Variants in USP15 observed in about 807,000 individuals in gnomAD.
USP15 encodes ubiquitin carboxyl-terminal hydrolase 15.
Under a neutral mutation model 127.1 loss-of-function variants are expected in USP15, and 18 were observed. That is an observed-to-expected ratio of 0.14 (90% CI 0.10 to 0.21). The LOEUF (loss-of-function observed/expected upper bound fraction) is 0.21, where lower values mean the gene tolerates loss of function less well. Ranked by LOEUF, USP15 falls within the 10% of genes least tolerant of loss-of-function variation. The probability of loss-of-function intolerance (pLI) is 1.00; values close to 1 mark genes in which losing one functional copy is unlikely to be tolerated. For synonymous variants in USP15, 364 were observed against 393.7 expected (o/e 0.92, Z 0.89); for missense variants, 805 against 1,159.9 (o/e 0.69, Z 4.44).
chr12:62,341,050 G>A lies in USP15; in HGVS notation c.684-8171G>A, dbSNP rs1008611648. Among the ~76,000 whole-genome samples, 17 of 152,130 alleles carry A rather than the reference G, an allele frequency of 1.1e-4. 1 individual carries two copies. The highest frequency in any genetic ancestry group is 9.2e-4 in the Admixed American group (14 of 15,270). On this transcript the variant is annotated intron_variant, in intron 6 of 21. Coordinates refer to ENST00000280377, the MANE Select transcript of USP15 (RefSeq NM_001252078.2). ...CTCTAAGAACTTGTTTTATGAATCT[G>A]GGTGCTCCTATATTGGGTCCACATA...
chr12:62,279,167 T>C (rs2063579432), intron 1 of USP15: 1 of 152,138 alleles, frequency 6.6e-6, no homozygotes, highest in Non-Finnish European at 1.5e-5. Flanking sequence ...TTTCTTCCTT[T>C]CCCCAGCCCC....
rs763695002 is a variant in USP15 at position 62,404,385 on chromosome 12, T to C, written c.*10T>C. 1 of 1,577,210 alleles carries C rather than the reference T, an allele frequency of 6.3e-7. No individual in the cohort carries two copies. The highest frequency in any genetic ancestry group is 1.8e-5 in the Admixed American group (1 of 55,514). On this transcript the variant is annotated 3_prime_UTR_variant, in exon 22 of 22. Transcript: ENST00000280377. ...TATGCACACTAACTAATGAAAGTCCTAGAAGCCATAAAAGAGACACTTTCC... is the reference window on the plus strand; with the variant it reads ...TATGCACACTAACTAATGAAAGTCCCAGAAGCCATAAAAGAGACACTTTCC...
Position 62,404,268 on chromosome 12 carries a change from G to C in USP15, c.2839G>C (p.Glu947Gln), listed in dbSNP as rs2067793181. 6.2e-7 allele frequency: 1 copy of C among 1,613,278 alleles called. No homozygotes were observed. Among genetic ancestry groups the C allele is most frequent in the East Asian group, 2.2e-5 (1 of 44,832 alleles). The change falls in exon 22 of 22, where the codon GAA becomes CAA. Residue 947 changes from glutamate to glutamine, a missense_variant. By Grantham distance (29) the Glu-to-Gln change is conservative. Transcript: ENST00000280377. ...AACTGGCTTTTTTCCTCTTGACCGA[G>C]AAACTAAAGGTGCTTCAGCTGCCAC... ...SGTGFFPLDRETKGASAATGI... is the reference protein window; with the variant it reads ...SGTGFFPLDRQTKGASAATGI...
chr12:62,304,188 C>A (rs2064408649), intron 3 of USP15, among the ~76,000 whole-genome samples: 1 of 152,010 alleles, frequency 6.6e-6, no homozygotes, highest in Non-Finnish European at 1.5e-5. Flanking sequence ...TTGAAATAGT[C>A]CTCATTGAGA....
Position 62,344,620 on chromosome 12 carries a change from G to A in USP15, c.684-4601G>A, listed in dbSNP as rs2065754939. ...TGCCCCAGTAGGGACTCTCTATGGG[G>A]GCTCCAAACCCATATTTCCCTTCCT... is the stretch of plus-strand genomic sequence containing the variant. On this transcript the variant is annotated intron_variant, in intron 6 of 21. Transcript: ENST00000280377. Among the ~76,000 whole-genome samples the A allele has an allele frequency of 2.0e-5, 3 of 152,280 alleles. No individual in the cohort carries two copies. The South Asian group carries it at 6.2e-4, about 32-fold the overall frequency.
intron 1 of USP15, among the ~76,000 whole-genome samples, chr12:62,285,145 T>A (rs1342482260): frequency 6.6e-5 from 10 of 152,118 alleles, no homozygotes. Context: ...ACAAATGCAG[T>A]TTTGTTACAT....
intron 1 of USP15, among the ~76,000 whole-genome samples, chr12:62,264,287 G>A (rs548177052): frequency 6.6e-6 from 1 of 152,138 alleles, no homozygotes; most frequent in South Asian, 2.1e-4. Context: ...AAAATTTCTG[G>A]CCTGGAAATT....
chr12:62,349,434 C>A, intron 7 of USP15, 127 bp downstream of exon 7: 1 of 500,026 alleles, frequency 2.0e-6, no homozygotes, highest in Non-Finnish European at 3.2e-6. Flanking sequence ...TTTAAATTAC[C>A]GGTCAGTTCT....
chr12:62,383,814 A>C, intron 9 of USP15, 26 bp from the exon 10 acceptor site: 1 of 1,605,854 alleles, frequency 6.2e-7, no homozygotes, highest in East Asian at 2.2e-5. Flanking sequence ...CCTAGAACTG[A>C]TTTGATGGTT....
chr12:62,383,338 A>G (rs568423429), intron 9 of USP15, among the ~76,000 whole-genome samples: 1 of 152,046 alleles, frequency 6.6e-6, no homozygotes, highest in South Asian at 2.1e-4. Flanking sequence ...TTTAATATAT[A>G]TTGTTGAGTC....
chr12:62,290,462 T>C (rs1173676543), intron 1 of USP15, among the ~76,000 whole-genome samples: 2 of 152,118 alleles, frequency 1.3e-5, no homozygotes, highest in African/African-American at 2.4e-5. Flanking sequence ...TTGCATGGAG[T>C]ATCTTTTTGC....
chr12:62,397,026 C>G (rs1374691043), intron 20 of USP15, among the ~76,000 whole-genome samples: 2 of 152,128 alleles, frequency 1.3e-5, no homozygotes, highest in South Asian at 2.1e-4. Context: ...CCCCCACCCC[C>G]CAGGATGGCT....
chr12:62,331,893 A>G (rs1162286555), intron 6 of USP15, among the ~76,000 whole-genome samples: 1 of 152,298 alleles, frequency 6.6e-6, no homozygotes, highest in Admixed American at 6.5e-5. Flanking sequence ...GTTCAAGCAC[A>G]GTGGCTCACT....
At chr12:62,299,735 C>T (rs918050731) in intron 2 of USP15, among the ~76,000 whole-genome samples, 1 of 152,174 alleles carries the variant, frequency 6.6e-6, no homozygotes, top group Non-Finnish European at 1.5e-5. Flanking sequence ...ATTTTAGGAA[C>T]TCTTAGACTG....
intron 5 of USP15, among the ~76,000 whole-genome samples, chr12:62,322,353 G>T (rs1307627401): frequency 6.6e-6 from 1 of 151,984 alleles, no homozygotes; most frequent in Admixed American, 6.6e-5. Context: ...GGCCAGAATG[G>T]TCTCGATCTC....
intron 1 of USP15, among the ~76,000 whole-genome samples, chr12:62,290,374 A>AT (rs768432118): frequency 3.9e-5 from 6 of 151,906 alleles, no homozygotes; most frequent in Admixed American, 1.3e-4. Context: ...AACTTTGTGT[A>AT]TTTTTTTACT....
At chr12:62,281,672 C>T (rs889471201) in intron 1 of USP15, among the ~76,000 whole-genome samples, 6 of 152,068 alleles carry the variant, frequency 3.9e-5, no homozygotes, top group African/African-American at 1.4e-4. Flanking sequence ...CCTGATGTTT[C>T]ATTACCATAA....
intron 8 of USP15, chr12:62,374,270 G>A (rs2066759415): frequency 2.1e-6 from 1 of 472,232 alleles, no homozygotes; most frequent in South Asian, 9.1e-5. Context: ...CAGTTAGAAG[G>A]TATAGCCATT....
chr12:62,321,709 T>C, intron 5 of USP15, 100 bp downstream of exon 5: 1 of 991,670 alleles, frequency 1.0e-6, no homozygotes, highest in African/African-American at 1.7e-5. Context: ...GTACTGTTTC[T>C]GGCTTCCTCT....
Sources: allele counts gnomAD v4.1 joint callset (sites outside exome capture counted in the v4.1 genomes callset), GRCh38; gene constraint gnomAD v4.1.1; transcripts MANE v1.5; gene names NCBI Gene and HGNC (gene_info 2026-07-23, HGNC 2026-07-21).